Variants in NME4 observed in about 807,000 individuals in gnomAD.
The protein encoded by NME4 is NME/NM23 nucleoside diphosphate kinase 4, also known as nucleoside diphosphate kinase D, mitochondrial.
In NME4, 21 loss-of-function variants were observed where a neutral mutation model predicts 16.4. That is an observed-to-expected ratio of 1.28 (90% CI 0.91 to 1.84). The LOEUF is 1.84. Among genes scored for constraint, NME4 ranks in the 40% most tolerant of loss-of-function variants. NME4 has a pLI of 0.00. For synonymous variants in NME4, 132 were observed against 107.5 expected, an observed-to-expected ratio of 1.23 and a Z score of -1.41; for missense variants, 316 against 261.3, an observed-to-expected ratio of 1.21 and a Z score of -1.44.
intron 1 of NME4, chr16:397,862 G>A (rs1187411028): frequency 1.3e-6 from 2 of 1,553,132 alleles, no homozygotes; most frequent in Non-Finnish European, 1.7e-6. Flanking sequence ...CACCTCACAG[G>A]ACGATCCATG....
At position 397,797 on chromosome 16, in the gene NME4, T is replaced by G. The variant is rs1391383854; in HGVS notation, c.91+484T>G. On this transcript the variant is annotated intron_variant, in intron 1 of 4. Transcript: ENST00000219479. Reference sequence around the variant, plus strand: ...AGGCCAAGTTAGGCCAGAATCTGACTGGGACGTCAGGCCCCAAGTCCCCGG... The same window carrying G: ...AGGCCAAGTTAGGCCAGAATCTGACGGGGACGTCAGGCCCCAAGTCCCCGG... 5.8e-6 allele frequency: 8 copies of G among 1,378,916 alleles called. No individual in the cohort carries two copies. In the African/African-American group the frequency reaches 1.3e-4, roughly 22 times the overall value. 85.4% of individuals were successfully genotyped at this position (1,378,916 alleles called of 1,614,324 possible).
intron 1 of NME4, chr16:397,864 C>T (rs770510991): frequency 1.2e-5 from 18 of 1,553,274 alleles, no homozygotes; most frequent in Admixed American, 5.8e-5. Context: ...CCTCACAGGA[C>T]GATCCATGTC....
In NME4 at chr16:400,091, C is replaced by T. The variant is rs560422465; in HGVS notation, c.441-128C>T. On this transcript the variant is annotated intron_variant, in intron 4 of 4. Coordinates refer to ENST00000219479, the MANE Select transcript of NME4 (RefSeq NM_005009.3). ...ACCCGGTTTCCCAGCTCCACTGTTACTCCTTCCCTGTCTGCAGTCACAGGC... is the reference window on the plus strand; with the variant it reads ...ACCCGGTTTCCCAGCTCCACTGTTATTCCTTCCCTGTCTGCAGTCACAGGC... The T allele has an allele frequency of 1.6e-4, 220 of 1,384,062 alleles. 2 individuals carry two copies. In the East Asian group the frequency reaches 4.9e-3, roughly 31 times the overall value. The allele number at this position is 1,384,062 out of a possible 1,614,324, so 85.7% of individuals were successfully genotyped here.
In NME4 at chr16:398,890, C is replaced by T. The variant is rs2054601416; in HGVS notation, c.92-100C>T. 10 of 1,521,812 alleles carry T rather than the reference C, an allele frequency of 6.6e-6. No individual in the cohort carries two copies. The Admixed American group carries it at 1.6e-4, about 25-fold the overall frequency. The allele number at this position is 1,521,812 out of a possible 1,614,324, so 94.3% of individuals were successfully genotyped here. A position where few individuals can be genotyped will look rare whatever the true frequency, so the allele number is the denominator to read the frequency against. ...AGAGTGCCCTGCATAGAGGCAGACA[C>T]CCTGAAGCCTGGTGACCCCTGGGCT... On this transcript the variant is annotated intron_variant, in intron 1 of 4. Coordinates refer to ENST00000219479, the MANE Select transcript of NME4 (RefSeq NM_005009.3).
At chr16:399,312 A>G in intron 2 of NME4, 67 bp from the exon 3 acceptor site, 1 of 1,510,248 alleles carries the variant, frequency 6.6e-7, no homozygotes, top group Middle Eastern at 1.7e-4. Flanking sequence ...AGGTCAGGGC[A>G]TCACAGCTGC....
At position 400,605 on chromosome 16, in the gene NME4, C is replaced by T. The variant is rs773118309; in HGVS notation, c.*263C>T. Reference sequence around the variant, plus strand: ...GGGGGGGGTCTTCACATTATCATAACCTCTCCTCTAAAGGGGAGGCATTAA... The same window carrying T: ...GGGGGGGGTCTTCACATTATCATAATCTCTCCTCTAAAGGGGAGGCATTAA... On this transcript the variant is annotated 3_prime_UTR_variant, in exon 5 of 5. Transcript: ENST00000219479. 1.2e-4 allele frequency: 54 copies of T among 447,576 alleles called. No homozygotes were observed. Among genetic ancestry groups the T allele is most frequent in the African/African-American group, 2.0e-4 (10 of 49,718 alleles). The allele number at this position is 447,576 out of a possible 1,614,324, so 27.7% of individuals were successfully genotyped here.
At chr16:398,244 A>G in intron 1 of NME4, 2 of 1,418,188 alleles carry the variant, frequency 1.4e-6, no homozygotes, top group Non-Finnish European at 9.4e-7. Context: ...GGCGGAGCTC[A>G]GCGCTGACCC....
At chr16:398,593 C>T in intron 1 of NME4, 1 of 409,640 alleles carries the variant, frequency 2.4e-6, no homozygotes, top group South Asian at 2.4e-5. Context: ...CTCTGTGGAC[C>T]TCAGGGTGGT....
Position 399,650 on chromosome 16 carries a change from C to G in NME4, c.351C>G (p.Val117=). The change falls in exon 4 of 5, where the codon GTC becomes GTG. Residue 117 remains valine (V), a synonymous_variant. Transcript: ENST00000219479. Reference sequence around the variant, plus strand: ...AGGTCTGGGAAGGGTACAATGTCGTCCGCGCCTCGAGGGCCATGATTGGAC... The same window carrying G: ...AGGTCTGGGAAGGGTACAATGTCGTGCGCGCCTCGAGGGCCATGATTGGAC... ...VAMVWEGYNV[V]RASRAMIGHT... 6.2e-7 allele frequency: 1 copy of G among 1,613,230 alleles called. No individual in the cohort carries two copies. The highest frequency in any genetic ancestry group is 8.5e-7 in the Non-Finnish European group (1 of 1,179,930).
intron 1 of NME4, chr16:398,132 G>A (rs570966574): frequency 1.6e-4 from 239 of 1,531,504 alleles, no homozygotes; most frequent in East Asian, 2.0e-4. Flanking sequence ...CCAGGGACCC[G>A]ATGCCGGAGG....
At chr16:398,747 G>A in intron 1 of NME4, 1 of 592,228 alleles carries the variant, frequency 1.7e-6, no homozygotes, top group Non-Finnish European at 2.9e-6. Context: ...GCCTCTGCTG[G>A]GAGGAGCCAT....
chr16:399,988 C>G, intron 4 of NME4: 1 of 700,222 alleles, frequency 1.4e-6, no homozygotes. Flanking sequence ...CACGGGGCAA[C>G]TTGGGGGGAA....
In NME4 at chr16:399,664, C is replaced by T; in HGVS notation, c.365C>T (p.Ala122Val). The change falls in exon 4 of 5, where the codon GCC becomes GTC. Residue 122 changes from alanine (A) to valine (V), a missense_variant. Physicochemically the swap from Ala to Val is moderately conservative, Grantham distance 64 (BLOSUM62 0). Coordinates refer to ENST00000219479, the MANE Select transcript of NME4 (RefSeq NM_005009.3). ...EGYNVVRASRAMIGHTDSAEA... is the reference protein window; with the variant it reads ...EGYNVVRASRVMIGHTDSAEA... ...TACAATGTCGTCCGCGCCTCGAGGG[C>T]CATGATTGGACACACCGACTCGGCT... 1 of 1,613,184 alleles carries T rather than the reference C, an allele frequency of 6.2e-7. No homozygotes were observed.
chr16:399,822 G>T, intron 4 of NME4, 83 bp downstream of exon 4: 1 of 1,136,558 alleles, frequency 8.8e-7, no homozygotes, highest in Non-Finnish European at 1.3e-6. Context: ...ACGAGACCTG[G>T]CTGTCTTGCT....
rs866820696 is a variant in NME4 at position 397,457 on chromosome 16, G to T, written c.91+144G>T. 2.1e-3 allele frequency: 443 copies of T among 215,658 alleles called. 5 individuals carry two copies. Among genetic ancestry groups the T allele is most frequent in the African/African-American group, 0.01 (410 of 40,168 alleles). 13.4% of individuals were successfully genotyped at this position (215,658 alleles called of 1,614,324 possible). ...GGGCTGCGGGGTCCGTCCGAGTTGG[G>T]GAAGGCGCCGGCTCGCACCCGCACG... On this transcript the variant is annotated intron_variant, in intron 1 of 4. Transcript: ENST00000219479.
At position 398,871 on chromosome 16, in the gene NME4, C is replaced by A. The variant is rs548642284; in HGVS notation, c.92-119C>A. 59 of 1,374,088 alleles carry A rather than the reference C, an allele frequency of 4.3e-5. No individual in the cohort carries two copies. In the African/African-American group the frequency reaches 8.0e-4, roughly 19 times the overall value. 85.1% of individuals were successfully genotyped at this position (1,374,088 alleles called of 1,614,324 possible). A position where few individuals can be genotyped will look rare whatever the true frequency, so the allele number is the denominator to read the frequency against. ...CACCATCCCTGTCCCTTCCAGAGTG[C>A]CCTGCATAGAGGCAGACACCCTGAA... On this transcript the variant is annotated intron_variant, in intron 1 of 4. Transcript: ENST00000219479.
chr16:398,366 G>GT, intron 1 of NME4: 1 of 1,273,268 alleles, frequency 7.9e-7, no homozygotes, highest in East Asian at 5.6e-5. Flanking sequence ...CTTTTTGTCC[G>GT]TGTTTCCAGG....
chr16:397,399 T>G, intron 1 of NME4, 86 bp downstream of exon 1: 2 of 490,500 alleles, frequency 4.1e-6, no homozygotes, highest in Non-Finnish European at 5.4e-6. Context: ...ACGTGCGGGC[T>G]GGGGTCCGAC....
rs886441558 is a variant in NME4 at position 397,917 on chromosome 16, G to T, written c.91+604G>T. ...GGCTCTGAAAAGTGAGCCGCCGCCT[G>T]CAATGCCCGCACCAGCCGCAGCAGA... On this transcript the variant is annotated intron_variant, in intron 1 of 4. Coordinates refer to ENST00000219479, the MANE Select transcript of NME4 (RefSeq NM_005009.3). 64 of 1,551,078 alleles carry T rather than the reference G, an allele frequency of 4.1e-5. 1 individual carries two copies. In the African/African-American group the frequency reaches 4.9e-4, roughly 12 times the overall value.
Sources: allele counts gnomAD v4.1 joint callset, GRCh38; gene constraint gnomAD v4.1.1; transcripts MANE v1.5; gene names NCBI Gene and HGNC (gene_info 2026-07-23, HGNC 2026-07-21).